Variants in TSC22D4 observed in about 807,000 individuals in gnomAD.
The protein encoded by TSC22D4 is TSC22 domain family protein 4.
TSC22D4 carries 5 observed loss-of-function variants against 24.9 expected under a neutral mutation model. That is an observed-to-expected ratio of 0.20 (90% confidence interval 0.10 to 0.42). The LOEUF (loss-of-function observed/expected upper bound fraction) is 0.42, where lower values mean the gene tolerates loss of function less well. Ranked by LOEUF, TSC22D4 falls within the 10% of genes least tolerant of loss-of-function variation. The pLI is 1.00. For synonymous variants in TSC22D4, 245 were observed against 243.2 expected, an observed-to-expected ratio of 1.01 and a Z score of -0.07; for missense variants, 469 against 547.9, an observed-to-expected ratio of 0.86 and a Z score of 1.44.
At chr7:100,467,890 C>T (rs550368774) in intron 3 of TSC22D4, 414 of 613,136 alleles carry the variant, frequency 6.8e-4, no homozygotes, top group African/African-American at 6.5e-3. Flanking sequence ...CCCCACCACT[C>T]GGGTCTCATA....
At position 100,478,146 on chromosome 7, in the gene TSC22D4, C is replaced by T; in HGVS notation, c.-108G>A. 1.0e-6 allele frequency: 1 copy of T among 1,004,798 alleles called. No individual in the cohort carries two copies. The allele number at this position is 1,004,798 out of a possible 1,614,324, so 62.2% of individuals were successfully genotyped here. ...GGCCACATGGCGGGGACATCCGAGCCCCTGGGGACGTCTGGGTCCGACATG... is the reference window on the plus strand; with the variant it reads ...GGCCACATGGCGGGGACATCCGAGCTCCTGGGGACGTCTGGGTCCGACATG... On this transcript the variant is annotated 5_prime_UTR_variant, in exon 2 of 5. Transcript: ENST00000300181.
At chr7:100,470,969 G>A (rs1009347412) in intron 3 of TSC22D4, among the ~76,000 whole-genome samples, 2 of 152,192 alleles carry the variant, frequency 1.3e-5, no homozygotes, top group Admixed American at 6.5e-5. Context: ...GTCCTGGGGC[G>A]GGGACAGCCC....
rs574562815 is a variant in TSC22D4 at position 100,478,589 on chromosome 7, T to C, written c.-270+205A>G. 1.8e-3 allele frequency among the ~76,000 whole-genome samples: 267 copies of C among 152,062 alleles called. 2 individuals are homozygous for C. The highest frequency in any genetic ancestry group is 6.2e-3 in the African/African-American group (256 of 41,486). On this transcript the variant is annotated intron_variant, in intron 1 of 4. Transcript: ENST00000300181. The stretch of plus-strand genomic sequence containing the variant: ...AGAGTTGGGCATTTCTCGCCTGGGA[T>C]TCTGACTCAGGGGGCCCGTATTGTC...
rs202021069 is a variant in TSC22D4 at position 100,470,294 on chromosome 7, TTC to T, written c.930-2696_930-2695del. On this transcript the variant is annotated intron_variant, in intron 3 of 4. Transcript: ENST00000300181. ...GTTTGTTAGCCGACAGGTGACTGTC[TTC>T]TGTTTGTCTAGCGCCTGGGAGTTTT... Among the ~76,000 whole-genome samples, 899 of 152,288 alleles carry T rather than the reference TTC, an allele frequency of 5.9e-3. 8 individuals are homozygous for T. Among genetic ancestry groups the T allele is most frequent in the African/African-American group, 0.021 (861 of 41,558 alleles).
intron 1 of TSC22D4, 45 bp from the exon 2 acceptor site, chr7:100,478,352 T>A (rs10250551): frequency 0.31 from 9,081 of 29,048 alleles, 180 homozygotes; most frequent in South Asian, 0.35. Flanking sequence ...AGAGAGAGAG[T>A]GTGTGTGTGT....
chr7:100,469,249 G>A (rs1410101965), intron 3 of TSC22D4, among the ~76,000 whole-genome samples: 2 of 143,276 alleles, frequency 1.4e-5, no homozygotes, highest in African/African-American at 2.7e-5. Flanking sequence ...AAAAAAAATC[G>A]CCTATGGGCC....
At chr7:100,467,346 T>TG in intron 4 of TSC22D4, 178 bp from the exon 5 acceptor site, 1 of 844,224 alleles carries the variant, frequency 1.2e-6, no homozygotes, top group Non-Finnish European at 1.9e-6. Context: ...AAGACAGAGA[T>TG]GGGGACCAGT....
intron 3 of TSC22D4, 40 bp from the exon 4 acceptor site, chr7:100,467,640 C>T (rs891666797): frequency 6.2e-7 from 1 of 1,605,998 alleles, no homozygotes; most frequent in Non-Finnish European, 8.5e-7. Flanking sequence ...AGAGGAGAAG[C>T]CTTCCCAGGT....
chr7:100,474,390 G>A lies in TSC22D4; in HGVS notation c.813C>T (p.His271=), dbSNP rs978629025. Residue 271 remains histidine (H), a synonymous_variant, in exon 3 of 5, where the codon CAC becomes CAT. Coordinates refer to ENST00000300181, the MANE Select transcript of TSC22D4 (RefSeq NM_030935.5). This position sits in a 1 kb window ranked among gnomAD's most constrained non-coding sequence, Gnocchi z 4.3. Reference sequence around the variant, plus strand: ...GAGATTTGTGAACCAGGCTGGCATCGTGGGTGAAGTAGAGGGCTGGGGAGC... The same window carrying A: ...GAGATTTGTGAACCAGGCTGGCATCATGGGTGAAGTAGAGGGCTGGGGAGC... The part of the protein sequence containing the change: ...RPSSPALYFT[H]DASLVHKSPD... 9 of 1,614,016 alleles carry A rather than the reference G, an allele frequency of 5.6e-6. No homozygotes were observed. The highest frequency in any genetic ancestry group is 1.7e-5 in the Admixed American group (1 of 59,992).
chr7:100,468,114 C>G (rs950964557), intron 3 of TSC22D4: 2 of 349,252 alleles, frequency 5.7e-6, no homozygotes, highest in African/African-American at 4.4e-5. Context: ...ACCACCCCCC[C>G]AAGGGCAAGG....
chr7:100,469,988 T>C (rs1172731657), intron 3 of TSC22D4, among the ~76,000 whole-genome samples: 1 of 152,066 alleles, frequency 6.6e-6, no homozygotes, highest in African/African-American at 2.4e-5. Flanking sequence ...TCTGGGACTC[T>C]TGGGGTGGTG....
chr7:100,475,841 CAG>C (rs1441684157), intron 2 of TSC22D4, among the ~76,000 whole-genome samples: 1 of 152,014 alleles, frequency 6.6e-6, no homozygotes, highest in South Asian at 2.1e-4. Context: ...AAGCCAAGAA[CAG>C]AGAGTCCAGG....
At position 100,477,088 on chromosome 7, in the gene TSC22D4, G is replaced by A. The variant is rs1032004150; in HGVS notation, c.762+189C>T. Reference sequence around the variant, plus strand: ...GAGAGAGGGTGCAGAAAAACAGGAAGGAGGCTGAGACAGAAAATGAAGTAG... The same window carrying A: ...GAGAGAGGGTGCAGAAAAACAGGAAAGAGGCTGAGACAGAAAATGAAGTAG... On this transcript the variant is annotated intron_variant, in intron 2 of 4. Transcript: ENST00000300181. The surrounding 1 kb of genome is among the most constrained non-coding windows in gnomAD (Gnocchi z 7.8). 7.2e-5 allele frequency among the ~76,000 whole-genome samples: 11 copies of A among 152,188 alleles called. No homozygotes were observed. The highest frequency in any genetic ancestry group is 2.4e-4 in the African/African-American group (10 of 41,524).
At chr7:100,472,020 G>T (rs1288330791) in intron 3 of TSC22D4, among the ~76,000 whole-genome samples, 1 of 151,812 alleles carries the variant, frequency 6.6e-6, no homozygotes, top group African/African-American at 2.4e-5. Context: ...CTGCCGGGAG[G>T]GGACAAGGAT....
intron 3 of TSC22D4, among the ~76,000 whole-genome samples, chr7:100,469,334 A>G (rs548287737): frequency 8.5e-5 from 13 of 152,080 alleles, no homozygotes; most frequent in Admixed American, 7.9e-4. Context: ...GAGAAGGGAC[A>G]CTGGGAAGAG....
chr7:100,476,000 C>T (rs1348733679), intron 2 of TSC22D4, among the ~76,000 whole-genome samples: 2 of 151,028 alleles, frequency 1.3e-5, no homozygotes, highest in Admixed American at 6.6e-5. Flanking sequence ...AAAACAGATG[C>T]GTGCAAACAG....
Position 100,477,351 on chromosome 7 carries a change from G to T in TSC22D4, c.688C>A (p.Pro230Thr). 1 of 1,565,272 alleles carries T rather than the reference G, an allele frequency of 6.4e-7. No individual in the cohort carries two copies. The highest frequency in any genetic ancestry group is 8.6e-7 in the Non-Finnish European group (1 of 1,157,438). Residue 230 changes from proline (P) to threonine (T), a missense_variant, in exon 2 of 5, where the codon CCT becomes ACT. Physicochemically the swap from Pro to Thr is conservative, Grantham distance 38. Coordinates refer to ENST00000300181, the MANE Select transcript of TSC22D4 (RefSeq NM_030935.5). This position sits in a 1 kb window ranked among gnomAD's most constrained non-coding sequence, Gnocchi z 7.8. ...ACAGCTTTCCTCCGGGACAGTGGAG[G>T]GGTCCTGGCCCCTGAGCCCCCAGCC... ...AEAGGSGART[P>T]PLSRRKAVDM...
chr7:100,472,456 G>A (rs1799410326), intron 3 of TSC22D4, among the ~76,000 whole-genome samples: 2 of 151,798 alleles, frequency 1.3e-5, no homozygotes, highest in South Asian at 2.1e-4. Flanking sequence ...GGGGAAAGAC[G>A]GAGGCCTCAG....
rs1799514731 is a variant in TSC22D4, at chr7:100,477,215, A to G, written c.762+62T>C. The G allele has an allele frequency of 3.1e-6, 4 of 1,271,400 alleles. No individual in the cohort carries two copies. Among genetic ancestry groups the G allele is most frequent in the African/African-American group, 1.6e-5 (1 of 63,720 alleles). 78.8% of individuals were successfully genotyped at this position (1,271,400 alleles called of 1,614,324 possible). Reference sequence around the variant, plus strand: ...GAGGAGAGGGGGGGGAGGAGGAGGAAGGAGGCTCAAGATAGAGGTTAGGCC... The same window carrying G: ...GAGGAGAGGGGGGGGAGGAGGAGGAGGGAGGCTCAAGATAGAGGTTAGGCC... On this transcript the variant is annotated intron_variant, in intron 2 of 4. Transcript: ENST00000300181. The surrounding 1 kb of genome is among the most constrained non-coding windows in gnomAD (Gnocchi z 7.8).
Sources: allele counts gnomAD v4.1 joint callset (sites outside exome capture counted in the v4.1 genomes callset), GRCh38; gene constraint gnomAD v4.1.1; non-coding constraint Gnocchi (gnomAD v3.1); transcripts MANE v1.5; gene names NCBI Gene and HGNC (gene_info 2026-07-23, HGNC 2026-07-21).